The following TNKS2 variants were observed in gnomAD, a reference collection of about 807,000 sequenced individuals.
The protein encoded by TNKS2 is tankyrase 2, also known as poly [ADP-ribose] polymerase tankyrase-2.
TNKS2 carries 72 observed loss-of-function variants against 137.6 expected under a neutral mutation model. The ratio of observed to expected loss-of-function variants is 0.52; its 90% CI spans 0.43 to 0.64. The LOEUF (loss-of-function observed/expected upper bound fraction) is 0.64, where lower values mean the gene tolerates loss of function less well. Among genes scored for constraint, TNKS2 ranks in the 30% least tolerant of loss-of-function variants. The pLI is 0.00. For missense variants in TNKS2, 1,049 were observed against 1,410.2 expected, an observed-to-expected ratio of 0.74 and a Z score of 4.10; for synonymous variants, 516 against 512.1, an observed-to-expected ratio of 1.01 and a Z score of -0.10.
rs1842132926 is a variant in TNKS2 at position 91,839,229 on chromosome 10, C to G, written c.1528-1332C>G. Among the ~76,000 whole-genome samples the G allele has an allele frequency of 2.0e-5, 3 of 152,260 alleles. No homozygotes were observed. The South Asian group carries it at 6.2e-4, about 32-fold the overall frequency. ...ATTTATTATCTATGTTGCTTTTCTT[C>G]CCCAAACTTTCATACTTTTCATAAC... On this transcript the variant is annotated intron_variant, in intron 13 of 26. Transcript: ENST00000371627.
rs1381740775 is a variant in TNKS2 at position 91,839,302 on chromosome 10, T to C, written c.1528-1259T>C. Reference sequence around the variant, plus strand: ...AGAGCACAGAAAATTGACTGTTTTCTTAATTCTCCCCAGGACTGTATAAAC... The same window carrying C: ...AGAGCACAGAAAATTGACTGTTTTCCTAATTCTCCCCAGGACTGTATAAAC... On this transcript the variant is annotated intron_variant, in intron 13 of 26. Transcript: ENST00000371627. Among the ~76,000 whole-genome samples the C allele has an allele frequency of 2.0e-5, 3 of 152,220 alleles. No homozygotes were observed. In the East Asian group the frequency reaches 5.8e-4, roughly 29 times the overall value.
chr10:91,813,421 T>C (rs1454387821), intron 2 of TNKS2, among the ~76,000 whole-genome samples: 1 of 152,208 alleles, frequency 6.6e-6, no homozygotes, highest in Non-Finnish European at 1.5e-5. Flanking sequence ...GTGCCTATTA[T>C]ACTTGCATTC....
chr10:91,813,714 G>A (rs1844581927), intron 2 of TNKS2, among the ~76,000 whole-genome samples: 1 of 152,180 alleles, frequency 6.6e-6, no homozygotes, highest in Admixed American at 6.5e-5. Flanking sequence ...GGAACACTGT[G>A]ATAAGAGTAC....
chr10:91,814,652 CTTAG>C (rs1844619597), intron 2 of TNKS2, among the ~76,000 whole-genome samples: 1 of 152,108 alleles, frequency 6.6e-6, no homozygotes, highest in African/African-American at 2.4e-5. Context: ...TTTAGACATA[CTTAG>C]TTACAGATGT....
chr10:91,846,858 T>C (rs1340291218), intron 18 of TNKS2, among the ~76,000 whole-genome samples: 5 of 152,224 alleles, frequency 3.3e-5, no homozygotes, highest in Non-Finnish European at 5.9e-5. Context: ...CATATGTTAG[T>C]TGACCAGATA....
chr10:91,836,865 G>T (rs1842037548), intron 12 of TNKS2, 54 bp from the exon 13 acceptor site: 2 of 1,572,212 alleles, frequency 1.3e-6, no homozygotes, highest in Non-Finnish European at 8.6e-7. Context: ...ATAAAGCTTG[G>T]TTCCATCTTC....
chr10:91,842,099 C>T (rs1589681107), intron 15 of TNKS2, 73 bp from the exon 16 acceptor site: 3 of 1,024,542 alleles, frequency 2.9e-6, no homozygotes, highest in Middle Eastern at 3.2e-4. Context: ...ATAGTTAACA[C>T]TGACTATTTT....
rs1364881924 is a variant in TNKS2, at chr10:91,863,745, G to A, written c.*746G>A. 6.6e-6 allele frequency: 1 copy of A among 152,102 alleles called. No individual in the cohort carries two copies. The highest frequency in any genetic ancestry group is 1.5e-5 in the Non-Finnish European group (1 of 67,998). The allele number at this position is 152,102 out of a possible 1,614,324, so 9.4% of individuals were successfully genotyped here. A position where few individuals can be genotyped will look rare whatever the true frequency, so the allele number is the denominator to read the frequency against. On this transcript the variant is annotated 3_prime_UTR_variant, in exon 27 of 27. Transcript: ENST00000371627. ...AAGAGCTCTAACTATGATAGGTCCTGATTACTAAAGAAGCTTCTTTACTGG... is the reference window on the plus strand; with the variant it reads ...AAGAGCTCTAACTATGATAGGTCCTAATTACTAAAGAAGCTTCTTTACTGG...
At chr10:91,825,195 C>T (rs751479497) in intron 7 of TNKS2, among the ~76,000 whole-genome samples, 7 of 152,016 alleles carry the variant, frequency 4.6e-5, no homozygotes, top group Non-Finnish European at 7.4e-5. Flanking sequence ...GCAACCTTCC[C>T]GGGCTCAGGT....
chr10:91,834,269 A>G (rs1044060130), intron 12 of TNKS2, among the ~76,000 whole-genome samples: 1 of 152,178 alleles, frequency 6.6e-6, no homozygotes, highest in Non-Finnish European at 1.5e-5. Flanking sequence ...ATGGCTTTCA[A>G]GTTTTTATCG....
At chr10:91,854,246 G>T (rs935986864) in intron 21 of TNKS2, among the ~76,000 whole-genome samples, 5 of 152,136 alleles carry the variant, frequency 3.3e-5, no homozygotes, top group Admixed American at 3.3e-4. Context: ...AAAGGGCTGC[G>T]TAGTTAGTAA....
intron 13 of TNKS2, among the ~76,000 whole-genome samples, chr10:91,839,596 C>T (rs775216160): frequency 6.6e-6 from 1 of 152,140 alleles, no homozygotes; most frequent in African/African-American, 2.4e-5. Context: ...TCAGCCTAAC[C>T]ATCAGCATTC....
chr10:91,818,557 G>A (rs894306009), intron 3 of TNKS2, among the ~76,000 whole-genome samples: 2 of 151,946 alleles, frequency 1.3e-5, no homozygotes, highest in Non-Finnish European at 2.9e-5. Flanking sequence ...TGTGTATCAA[G>A]GCCTCACTCT....
intron 1 of TNKS2, 56 bp downstream of exon 1, chr10:91,798,945 G>A: frequency 3.8e-6 from 5 of 1,313,344 alleles, no homozygotes; most frequent in Non-Finnish European, 4.9e-6. Context: ...CGCAGCCGGG[G>A]CCCACAGGTC....
In TNKS2 at chr10:91,820,083, A is replaced by T. The variant is rs747680519; in HGVS notation, c.728+50A>T. 1.3e-5 allele frequency: 16 copies of T among 1,201,448 alleles called. No individual in the cohort carries two copies. The African/African-American group carries it at 2.3e-4, about 17-fold the overall frequency. The allele number at this position is 1,201,448 out of a possible 1,614,324, so 74.4% of individuals were successfully genotyped here. ...ACTTTTTAAATGTTACCCTCTTCTT[A>T]AAACAATCTTTGTAACCTTAGAAAA... On this transcript the variant is annotated intron_variant, in intron 6 of 26. Coordinates refer to ENST00000371627, the MANE Select transcript of TNKS2 (RefSeq NM_025235.4).
chr10:91,833,428 A>G lies in TNKS2; in HGVS notation c.1276-425A>G, dbSNP rs1841886106. 2.0e-5 allele frequency among the ~76,000 whole-genome samples: 3 copies of G among 152,182 alleles called. No homozygotes were observed. In the South Asian group the frequency reaches 6.2e-4, roughly 31 times the overall value. On this transcript the variant is annotated intron_variant, in intron 11 of 26. Transcript: ENST00000371627. ...TGTATCTATATATTTTAGGTAATAA[A>G]TAAGGGAGAAGATTAAGCCTATAGA...
chr10:91,855,726 C>T lies in TNKS2; in HGVS notation c.2988+38C>T, dbSNP rs751217203. The T allele has an allele frequency of 4.7e-6, 7 of 1,489,086 alleles. No individual in the cohort carries two copies. In the South Asian group the frequency reaches 5.8e-5, roughly 12 times the overall value. The allele number at this position is 1,489,086 out of a possible 1,614,324, so 92.2% of individuals were successfully genotyped here. ...TGAAAGTAAAGTTTTCTGAGACTGT[C>T]GTTTTCAAAGCCTGAAGCCATAAGT... On this transcript the variant is annotated intron_variant, in intron 23 of 26. Transcript: ENST00000371627.
chr10:91,834,559 T>G (rs1014089564), intron 12 of TNKS2, among the ~76,000 whole-genome samples: 2 of 152,264 alleles, frequency 1.3e-5, no homozygotes, highest in Non-Finnish European at 2.9e-5. Flanking sequence ...TAGAATTTGA[T>G]GCAGTAGCTT....
chr10:91,846,319 T>C (rs1180004699), intron 18 of TNKS2, among the ~76,000 whole-genome samples: 1 of 152,196 alleles, frequency 6.6e-6, no homozygotes, highest in Non-Finnish European at 1.5e-5. Context: ...ACTGGGAACA[T>C]TGCCCCCCAA....
Sources: allele counts gnomAD v4.1 joint callset (sites outside exome capture counted in the v4.1 genomes callset), GRCh38; gene constraint gnomAD v4.1.1; transcripts MANE v1.5; gene names NCBI Gene and HGNC (gene_info 2026-07-23, HGNC 2026-07-21).